Variants in VAV1 observed in about 807,000 individuals in gnomAD.
VAV1 encodes the protein proto-oncogene vav.
VAV1 carries 33 observed loss-of-function variants against 128.1 expected under a neutral mutation model. That is an observed-to-expected ratio of 0.26 (90% CI 0.20 to 0.34). VAV1 has a LOEUF of 0.34. Ranked by LOEUF, VAV1 falls within the 10% of genes least tolerant of loss-of-function variation. The pLI, the probability that VAV1 is intolerant of heterozygous loss-of-function variation, is 1.00. For synonymous variants in VAV1, 394 were observed against 409.8 expected (o/e 0.96, Z 0.47); for missense variants, 715 against 1,093.7 (o/e 0.65, Z 4.88).
At chr19:6,809,038 A>C (rs1971458443) in intron 1 of VAV1, among the ~76,000 whole-genome samples, 1 of 151,734 alleles carries the variant, frequency 6.6e-6, no homozygotes, top group Non-Finnish European at 1.5e-5. Context: ...CCACAAGACC[A>C]ACCCAGATAC....
At position 6,822,349 on chromosome 19, in the gene VAV1, GGGCCT is replaced by G; in HGVS notation, c.558+23_558+27del. The G allele has an allele frequency of 6.4e-7, 1 of 1,562,946 alleles. No individual in the cohort carries two copies. Among genetic ancestry groups the G allele is most frequent in the Non-Finnish European group, 8.7e-7 (1 of 1,154,328 alleles). Reference sequence around the variant, plus strand: ...ATGCCGGTGCGTGACGTGGAGGGTCGGGCCTGGGGAGGGCGTGGGCGGGGGGCAGC... The same window carrying G: ...ATGCCGGTGCGTGACGTGGAGGGTCGGGGGAGGGCGTGGGCGGGGGGCAGC... On this transcript the variant is annotated intron_variant, in intron 5 of 26. Transcript: ENST00000602142. This position sits in a 1 kb window ranked among gnomAD's most constrained non-coding sequence, Gnocchi z 5.9.
intron 2 of VAV1, among the ~76,000 whole-genome samples, chr19:6,821,331 G>A (rs1023797714): frequency 6.6e-6 from 1 of 152,132 alleles, no homozygotes; most frequent in African/African-American, 2.4e-5. Flanking sequence ...AACCTGGGAG[G>A]TGGAGGTTGT....
chr19:6,844,103 TTG>T (rs1568316216), intron 22 of VAV1, among the ~76,000 whole-genome samples: 12 of 108,908 alleles, frequency 1.1e-4, no homozygotes, highest in Non-Finnish European at 2.0e-4. Flanking sequence ...TTTTTTTTTT[TTG>T]CAAATGAGGC....
chr19:6,844,798 A>C (rs1413912660), intron 22 of VAV1, among the ~76,000 whole-genome samples: 1 of 152,066 alleles, frequency 6.6e-6, no homozygotes, highest in Non-Finnish European at 1.5e-5. Flanking sequence ...TGCAAGATTT[A>C]AGGGGACGCT....
intron 1 of VAV1, among the ~76,000 whole-genome samples, chr19:6,779,539 C>T (rs766888673): frequency 5.3e-5 from 8 of 150,696 alleles, no homozygotes; most frequent in Non-Finnish European, 1.2e-4. Flanking sequence ...ACATTTTGCT[C>T]GCCCTGTGCT....
chr19:6,816,271 C>T (rs1385672283), intron 1 of VAV1, among the ~76,000 whole-genome samples: 4 of 151,980 alleles, frequency 2.6e-5, no homozygotes, highest in African/African-American at 4.8e-5. Flanking sequence ...CTGCCCTCCT[C>T]GGCTTCCCAA....
intron 1 of VAV1, among the ~76,000 whole-genome samples, chr19:6,775,754 C>G (rs1351267344): frequency 6.6e-6 from 1 of 152,136 alleles, no homozygotes; most frequent in South Asian, 2.1e-4. Context: ...GCCACAGGAA[C>G]AACCTCTCTG....
intron 21 of VAV1, among the ~76,000 whole-genome samples, chr19:6,837,496 A>G (rs750919975): frequency 1.6e-4 from 25 of 151,826 alleles, no homozygotes; most frequent in Non-Finnish European, 3.4e-4. Context: ...GCTCTTCATG[A>G]TGACTTCAGA....
chr19:6,786,161 TC>T (rs968210030), intron 1 of VAV1, among the ~76,000 whole-genome samples: 5 of 152,072 alleles, frequency 3.3e-5, no homozygotes, highest in African/African-American at 9.7e-5. Flanking sequence ...CTATTTTACG[TC>T]CCCCAGTGCT....
At chr19:6,821,980 C>T in intron 4 of VAV1, 121 bp downstream of exon 4, 1 of 1,373,784 alleles carries the variant, frequency 7.3e-7, no homozygotes, top group African/African-American at 1.4e-5. Flanking sequence ...CTGGGGCACA[C>T]AACCTTGCCT....
intron 1 of VAV1, among the ~76,000 whole-genome samples, chr19:6,813,431 T>C (rs1380524401): frequency 1.3e-5 from 2 of 152,200 alleles, no homozygotes; most frequent in Non-Finnish European, 2.9e-5. Flanking sequence ...ACATGGCCAG[T>C]CTTGGTTCAA....
chr19:6,853,065 T>C lies in VAV1; in HGVS notation c.2318T>C (p.Ile773Thr). The C allele has an allele frequency of 6.2e-7, 1 of 1,610,988 alleles. No homozygotes were observed. Among genetic ancestry groups the C allele is most frequent in the Non-Finnish European group, 8.5e-7 (1 of 1,178,082 alleles). Reference protein sequence around the residue: ...FPFKEPEKRTISRPAVGSTKY... With the variant: ...FPFKEPEKRTTSRPAVGSTKY... ...TTCAAGGAGCCTGAAAAGAGAACCATCAGCAGGCCAGCAGGTAGGAGGTCT... is the reference window on the plus strand; with the variant it reads ...TTCAAGGAGCCTGAAAAGAGAACCACCAGCAGGCCAGCAGGTAGGAGGTCT... Residue 773 changes from isoleucine to threonine, a missense_variant, in exon 25 of 27, where the codon ATC becomes ACC. Transcript: ENST00000602142.
intron 9 of VAV1, among the ~76,000 whole-genome samples, chr19:6,827,847 G>T (rs974390113): frequency 1.3e-5 from 2 of 150,782 alleles, no homozygotes; most frequent in Non-Finnish European, 2.9e-5. Context: ...TGATCCTCCC[G>T]CCTCGGCCTC....
intron 1 of VAV1, among the ~76,000 whole-genome samples, chr19:6,814,675 T>TTCCTTCCTTCCTTCCTTTCTTC (rs1568299213): frequency 2.6e-5 from 2 of 77,132 alleles, no homozygotes; most frequent in African/African-American, 1.6e-4. Flanking sequence ...TTCCTTCCTT[T>TTCCTTCCTTCCTTCCTTTCTTC]CTTTCTTTCT....
At chr19:6,823,514 T>A (rs536891075) in intron 6 of VAV1, among the ~76,000 whole-genome samples, 152 of 151,440 alleles carry the variant, frequency 1.0e-3, no homozygotes, top group Middle Eastern at 3.2e-3. Flanking sequence ...AAATATATAT[T>A]TTATATATAT....
intron 14 of VAV1, among the ~76,000 whole-genome samples, chr19:6,831,661 C>T (rs1885130036): frequency 6.6e-6 from 1 of 152,160 alleles, no homozygotes; most frequent in Non-Finnish European, 1.5e-5. Flanking sequence ...CAGTTGCTGT[C>T]TTGTAACTGC....
chr19:6,799,165 T>G (rs769633490), intron 1 of VAV1, among the ~76,000 whole-genome samples: 2 of 151,898 alleles, frequency 1.3e-5, no homozygotes, highest in Non-Finnish European at 2.9e-5. Flanking sequence ...GGTTTTTTTG[T>G]TTGTTTCGCT....
chr19:6,815,815 C>A (rs1236592517), intron 1 of VAV1, among the ~76,000 whole-genome samples: 1 of 152,012 alleles, frequency 6.6e-6, no homozygotes, highest in East Asian at 1.9e-4. Flanking sequence ...CTGCAGCATG[C>A]TGAAAATTGA....
intron 1 of VAV1, among the ~76,000 whole-genome samples, chr19:6,813,355 G>A (rs369162990): frequency 1.3e-5 from 2 of 152,264 alleles, no homozygotes; most frequent in East Asian, 3.9e-4. Context: ...ATGGAGCTTC[G>A]ATATGTTTCA....
Sources: allele counts gnomAD v4.1 joint callset (sites outside exome capture counted in the v4.1 genomes callset), GRCh38; gene constraint gnomAD v4.1.1; non-coding constraint Gnocchi (gnomAD v3.1); transcripts MANE v1.5; gene names NCBI Gene and HGNC (gene_info 2026-07-23, HGNC 2026-07-21).